Variants in CCDC102A observed in about 807,000 individuals in gnomAD.
CCDC102A encodes the protein coiled-coil domain containing 102A.
CCDC102A carries 40 observed loss-of-function variants against 55.5 expected under a neutral mutation model. That is an observed-to-expected ratio of 0.72 (90% CI 0.56 to 0.94). The LOEUF (loss-of-function observed/expected upper bound fraction) is 0.94. CCDC102A is among the 40% of genes least tolerant of loss of function. The probability of loss-of-function intolerance (pLI) is 0.00; values close to 1 mark genes in which losing one functional copy is unlikely to be tolerated. For synonymous variants in CCDC102A, 323 were observed against 339.0 expected, an observed-to-expected ratio of 0.95 and a Z score of 0.52; for missense variants, 779 against 768.6, an observed-to-expected ratio of 1.01 and a Z score of -0.16.
At position 57,527,254 on chromosome 16, in the gene CCDC102A, C is replaced by T. The variant is rs114679804; in HGVS notation, c.586-1127G>A. 2.3e-3 allele frequency among the ~76,000 whole-genome samples: 346 copies of T among 152,204 alleles called. 2 individuals are homozygous for T. Among genetic ancestry groups the T allele is most frequent in the African/African-American group, 8.0e-3 (331 of 41,530 alleles). ...CTGGGGAACTGAGCTTGGACCCTGC[C>T]CCTAGGTGGCTTTCTGGTAACAGGC... On this transcript the variant is annotated intron_variant, in intron 2 of 8. Transcript: ENST00000258214.
intron 6 of CCDC102A, among the ~76,000 whole-genome samples, 156 bp downstream of exon 6, chr16:57,517,912 C>T (rs553840853): frequency 4.6e-5 from 7 of 152,392 alleles, no homozygotes; most frequent in South Asian, 2.1e-4. Context: ...TCAATGAATG[C>T]GGCTACTATA....
At chr16:57,521,003 A>C in intron 4 of CCDC102A, 65 bp downstream of exon 4, 3 of 968,926 alleles carry the variant, frequency 3.1e-6, no homozygotes, top group Non-Finnish European at 5.0e-6. Context: ...TTCCATCTCC[A>C]CTACTGAAAT....
At chr16:57,523,227 A>AT (rs561633564) in intron 3 of CCDC102A, among the ~76,000 whole-genome samples, 143 of 151,956 alleles carry the variant, frequency 9.4e-4, no homozygotes, top group African/African-American at 3.3e-3. Flanking sequence ...CACTAGGTTG[A>AT]TTTTTTTGCT....
At chr16:57,533,490 A>C (rs1231781384) in intron 1 of CCDC102A, among the ~76,000 whole-genome samples, 19 of 147,588 alleles carry the variant, frequency 1.3e-4, no homozygotes, top group African/African-American at 2.8e-4. Context: ...TCACACACAC[A>C]CCCCCAGGGA....
At chr16:57,525,075 T>TTTTATTTATTTATTTA (rs3030605) in intron 3 of CCDC102A, among the ~76,000 whole-genome samples, 2 of 149,438 alleles carry the variant, frequency 1.3e-5, no homozygotes, top group Admixed American at 6.7e-5. Flanking sequence ...ACGCTCATCG[T>TTTTATTTATTTATTTA]TTTATTTATT....
Position 57,530,513 on chromosome 16 carries a change from A to G in CCDC102A, c.-147-1189T>C, listed in dbSNP as rs554871674. ...TGGGACTCGGCACTGGCTGTCCCCAAGGCTGCCTGGCAGCCCTCTATGTCC... is the reference window on the plus strand; with the variant it reads ...TGGGACTCGGCACTGGCTGTCCCCAGGGCTGCCTGGCAGCCCTCTATGTCC... On this transcript the variant is annotated intron_variant, in intron 1 of 8. Coordinates refer to ENST00000258214, the MANE Select transcript of CCDC102A (RefSeq NM_033212.4). 2.0e-5 allele frequency among the ~76,000 whole-genome samples: 3 copies of G among 152,268 alleles called. No individual in the cohort carries two copies. In the South Asian group the frequency reaches 6.2e-4, roughly 32 times the overall value.
In CCDC102A at chr16:57,531,264, GAGAGAAGGCACTTCCTCACTCCTTCC is replaced by G. The variant is rs1363191236; in HGVS notation, c.-147-1966_-147-1941del. On this transcript the variant is annotated intron_variant, in intron 1 of 8. Coordinates refer to ENST00000258214, the MANE Select transcript of CCDC102A (RefSeq NM_033212.4). The stretch of plus-strand genomic sequence containing the variant: ...ACCAGCTCCTCCTGGGTGCTCCTCC[GAGAGAAGGCACTTCCTCACTCCTTCC>G]AGAGAAGGCACTTCCTCACTCCTTC... Among the ~76,000 whole-genome samples, 645 of 150,422 alleles carry G rather than the reference GAGAGAAGGCACTTCCTCACTCCTTCC, an allele frequency of 4.3e-3. 8 individuals are homozygous for G. The highest frequency in any genetic ancestry group is 4.6e-3 in the Non-Finnish European group (312 of 67,190).
chr16:57,515,775 C>T (rs2031944881), intron 7 of CCDC102A, among the ~76,000 whole-genome samples: 1 of 151,384 alleles, frequency 6.6e-6, no homozygotes, highest in Non-Finnish European at 1.5e-5. Context: ...GAGACAGTCA[C>T]CCACCACTCC....
chr16:57,520,706 G>A (rs745943575), intron 4 of CCDC102A, among the ~76,000 whole-genome samples: 2 of 151,834 alleles, frequency 1.3e-5, no homozygotes, highest in South Asian at 2.1e-4. Flanking sequence ...TTTGGAGGCC[G>A]AGGCAGAAGG....
intron 1 of CCDC102A, among the ~76,000 whole-genome samples, chr16:57,535,965 C>A (rs2032369297): frequency 6.6e-6 from 1 of 152,178 alleles, no homozygotes; most frequent in Non-Finnish European, 1.5e-5. Context: ...TTAGTCGACC[C>A]CTCCCAAGCC....
chr16:57,521,489 C>T (rs2032051397), intron 3 of CCDC102A, among the ~76,000 whole-genome samples: 1 of 152,202 alleles, frequency 6.6e-6, no homozygotes, highest in South Asian at 2.1e-4. Context: ...AAAATGGCTC[C>T]AGGAGGTGGC....
chr16:57,532,362 G>A (rs2032282544), intron 1 of CCDC102A, among the ~76,000 whole-genome samples: 1 of 152,170 alleles, frequency 6.6e-6, no homozygotes, highest in African/African-American at 2.4e-5. Flanking sequence ...TCCAGGCTCT[G>A]GTTCCATGTA....
At chr16:57,531,082 A>C (rs922378269) in intron 1 of CCDC102A, among the ~76,000 whole-genome samples, 5 of 151,310 alleles carry the variant, frequency 3.3e-5, no homozygotes, top group African/African-American at 4.9e-5. Context: ...TCCTCTCACG[A>C]TATCCCTGCC....
At chr16:57,518,852 C>T in intron 4 of CCDC102A, 111 bp from the exon 5 acceptor site, 1 of 758,416 alleles carries the variant, frequency 1.3e-6, no homozygotes, top group Non-Finnish European at 2.2e-6. Flanking sequence ...CAAGGCAGCG[C>T]CCAAATGGGG....
chr16:57,529,303 G>A lies in CCDC102A; in HGVS notation c.-126C>T, dbSNP rs1195243311. On this transcript the variant is annotated 5_prime_UTR_variant, in exon 2 of 9. Transcript: ENST00000258214. This position sits in a 1 kb window ranked among gnomAD's most constrained non-coding sequence, Gnocchi z 4.1. ...TGCCCCGCTTCCCTCTGGGCCACCGGGCGGAGGACGCCTCCTCGGACCTAC... is the reference window on the plus strand; with the variant it reads ...TGCCCCGCTTCCCTCTGGGCCACCGAGCGGAGGACGCCTCCTCGGACCTAC... 4 of 1,116,132 alleles carry A rather than the reference G, an allele frequency of 3.6e-6. No homozygotes were observed. The highest frequency in any genetic ancestry group is 3.3e-6 in the Non-Finnish European group (3 of 912,122). 69.1% of individuals were successfully genotyped at this position (1,116,132 alleles called of 1,614,324 possible). A position where few individuals can be genotyped will look rare whatever the true frequency, so the allele number is the denominator to read the frequency against.
Sources: allele counts gnomAD v4.1 joint callset (sites outside exome capture counted in the v4.1 genomes callset), GRCh38; gene constraint gnomAD v4.1.1; non-coding constraint Gnocchi (gnomAD v3.1); transcripts MANE v1.5; gene names NCBI Gene and HGNC (gene_info 2026-07-23, HGNC 2026-07-21).